The following RYR2 variants were observed in gnomAD, a reference collection of about 807,000 sequenced individuals.
RYR2 encodes the protein cardiac muscle ryanodine receptor-calcium release channel.
Under a neutral mutation model 601.1 loss-of-function variants are expected in RYR2, and 227 were observed. The ratio of observed to expected loss-of-function variants is 0.38; its 90% confidence interval spans 0.34 to 0.42. The LOEUF is 0.42. RYR2 is among the 10% of genes least tolerant of loss of function. The pLI is 1.00. For synonymous variants in RYR2, 2,223 were observed against 2,175.1 expected, an observed-to-expected ratio of 1.02 and a Z score of -0.61; for missense variants, 4,646 against 6,156.5, an observed-to-expected ratio of 0.75 and a Z score of 8.21.
At position 237,042,537 on chromosome 1, in the gene RYR2, G is replaced by A. The variant is rs1367258371; in HGVS notation, c.16G>A (p.Glu6Lys). The change falls in exon 1 of 105, where the codon GAG becomes AAG. Residue 6 changes from glutamate (E) to lysine (K), a missense_variant. Coordinates refer to ENST00000366574, the MANE Select transcript of RYR2 (RefSeq NM_001035.3). ...GCGCGGAACCATGGCCGATGGGGGC[G>A]AGGGCGAAGACGAGATCCAGTTCCT... MADGG[E>K]GEDEIQFLRT... is the part of the protein sequence containing the mutation. 8 of 1,259,018 alleles carry A rather than the reference G, an allele frequency of 6.4e-6. No homozygotes were observed. Among genetic ancestry groups the A allele is most frequent in the Non-Finnish European group, 8.0e-6 (8 of 994,176 alleles). The allele number at this position is 1,259,018 out of a possible 1,614,324, so 78.0% of individuals were successfully genotyped here. A position where few individuals can be genotyped will look rare whatever the true frequency, so the allele number is the denominator to read the frequency against.
At chr1:237,428,458 G>A (rs1054184275) in intron 12 of RYR2, among the ~76,000 whole-genome samples, 4 of 152,140 alleles carry the variant, frequency 2.6e-5, no homozygotes, top group African/African-American at 9.7e-5. Context: ...TGACATGGAT[G>A]AAGCTGGAAA....
At chr1:237,083,119 T>C (rs1221247403) in intron 1 of RYR2, among the ~76,000 whole-genome samples, 1 of 152,212 alleles carries the variant, frequency 6.6e-6, no homozygotes, top group African/African-American at 2.4e-5. Flanking sequence ...CAGAGAGCCA[T>C]CAGCAGTTAC....
chr1:237,210,111 A>ATAT (rs1246086533), intron 1 of RYR2, among the ~76,000 whole-genome samples: 1 of 133,382 alleles, frequency 7.5e-6, no homozygotes, highest in Non-Finnish European at 1.7e-5. Context: ...GTATCTGCAT[A>ATAT]TATTGTTCTT....
rs149670397 is a variant in RYR2, at chr1:237,816,457, G to T, written c.14434-2579G>T. On this transcript the variant is annotated intron_variant, in intron 100 of 104. Transcript: ENST00000366574. The stretch of plus-strand genomic sequence containing the variant: ...TCCCAGCAGTTTGGGAGGCCGAGGC[G>T]GGCGGATCACCTGAGGTCAGGAGTT... 9.2e-5 allele frequency among the ~76,000 whole-genome samples: 14 copies of T among 152,186 alleles called. No individual in the cohort carries two copies. In the South Asian group the frequency reaches 1.9e-3, roughly 20 times the overall value.
At chr1:237,346,160 G>A (rs560289802) in intron 3 of RYR2, among the ~76,000 whole-genome samples, 3 of 152,086 alleles carry the variant, frequency 2.0e-5, no homozygotes, top group East Asian at 1.9e-4. Context: ...GAGCCCAGGA[G>A]TTCGAGACCA....
rs915397362 is a variant in RYR2, at chr1:237,108,274, G to A, written c.48+65705G>A. ...TGAGGCTACACCTGTTGGAGGGATC[G>A]GAGGGGCCCAGTATATGATACTCCC... On this transcript the variant is annotated intron_variant, in intron 1 of 104. Transcript: ENST00000366574. Among the ~76,000 whole-genome samples, 6 of 152,162 alleles carry A rather than the reference G, an allele frequency of 3.9e-5. 1 individual carries two copies. The South Asian group carries it at 8.3e-4, about 21-fold the overall frequency.
rs201845205 is a variant in RYR2 at position 237,684,144 on chromosome 1, C to T, written c.9018-3311C>T. ...AGAGATAGGGTTTCACCATGTTGGCCAGGCTGGTCTTGAACTCCTGACCTC... is the reference window on the plus strand; with the variant it reads ...AGAGATAGGGTTTCACCATGTTGGCTAGGCTGGTCTTGAACTCCTGACCTC... On this transcript the variant is annotated intron_variant, in intron 62 of 104. Coordinates refer to ENST00000366574, the MANE Select transcript of RYR2 (RefSeq NM_001035.3). Among the ~76,000 whole-genome samples, 11 of 151,896 alleles carry T rather than the reference C, an allele frequency of 7.2e-5. No individual in the cohort carries two copies. The East Asian group carries it at 9.7e-4, about 13-fold the overall frequency.
chr1:237,438,814 C>G (rs761197332), intron 12 of RYR2, among the ~76,000 whole-genome samples: 5 of 152,184 alleles, frequency 3.3e-5, no homozygotes, highest in Non-Finnish European at 7.3e-5. Flanking sequence ...TGCTATTTGT[C>G]TTTTGAGAGA....
intron 80 of RYR2, among the ~76,000 whole-genome samples, chr1:237,744,016 G>T (rs1691846206): frequency 6.6e-6 from 1 of 152,008 alleles, no homozygotes; most frequent in Non-Finnish European, 1.5e-5. Flanking sequence ...CATGATAAAT[G>T]GTATTGCTGG....
intron 2 of RYR2, among the ~76,000 whole-genome samples, chr1:237,309,406 G>C (rs144443237): frequency 2.0e-5 from 3 of 151,268 alleles, no homozygotes; most frequent in Non-Finnish European, 4.4e-5. Flanking sequence ...AGACATAAAG[G>C]TTCTCCAAGT....
At chr1:237,488,047 A>G (rs1385433509) in intron 17 of RYR2, among the ~76,000 whole-genome samples, 3 of 152,140 alleles carry the variant, frequency 2.0e-5, no homozygotes, top group Admixed American at 2.0e-4. Context: ...ACTTTGTGAC[A>G]TACGCTATTT....
intron 2 of RYR2, among the ~76,000 whole-genome samples, chr1:237,282,711 C>T (rs1443676790): frequency 6.6e-6 from 1 of 152,034 alleles, no homozygotes; most frequent in Non-Finnish European, 1.5e-5. Flanking sequence ...ACAGATGGTA[C>T]TTAAGTTAAT....
intron 1 of RYR2, among the ~76,000 whole-genome samples, chr1:237,253,399 T>G (rs534054376): frequency 2.0e-5 from 3 of 152,328 alleles, no homozygotes; most frequent in South Asian, 2.1e-4. Flanking sequence ...ACAAGATTTC[T>G]GCAATGCAGA....
intron 68 of RYR2, among the ~76,000 whole-genome samples, chr1:237,708,123 G>C (rs1371299808): frequency 6.6e-6 from 1 of 151,730 alleles, no homozygotes; most frequent in Non-Finnish European, 1.5e-5. Flanking sequence ...TTATGCCCTG[G>C]AAATACTCAT....
intron 17 of RYR2, among the ~76,000 whole-genome samples, chr1:237,488,870 T>C (rs1200571186): frequency 6.6e-6 from 1 of 152,166 alleles, no homozygotes; most frequent in Admixed American, 6.6e-5. Flanking sequence ...ACAAAGCCTG[T>C]TGGTGGACTC....
At chr1:237,602,179 G>A (rs1211565563) in intron 35 of RYR2, 68 bp downstream of exon 35, 4 of 1,192,420 alleles carry the variant, frequency 3.4e-6, no homozygotes, top group Middle Eastern at 2.2e-4. Context: ...GATTTATTCT[G>A]AAATGAATTC....
chr1:237,608,794 CTGTTTTTT>C lies in RYR2; in HGVS notation c.4684-1966_4684-1959del, dbSNP rs1349177074. Among the ~76,000 whole-genome samples, 311 of 82,456 alleles carry C rather than the reference CTGTTTTTT, an allele frequency of 3.8e-3. 1 individual carries two copies. The highest frequency in any genetic ancestry group is 0.013 in the African/African-American group (295 of 22,220). The allele number at this position is 82,456 out of a possible 152,430, so 54.1% of individuals were successfully genotyped here. On this transcript the variant is annotated intron_variant, in intron 35 of 104. Coordinates refer to ENST00000366574, the MANE Select transcript of RYR2 (RefSeq NM_001035.3). ...AAGGAGGCAGCAAGTTCAGACTGAC[CTGTTTTTT>C]TTTTTTTTTTTTTTTTTTACAAAAT...
Position 237,757,708 on chromosome 1 carries a change from C to T in RYR2, c.11257C>T (p.Pro3753Ser). ...TTTATATTTCTTAGGTGAAACTGGA[C>T]CAATGGTAGCAGCTACTCTGAAACT... is the stretch of plus-strand genomic sequence containing the variant. Reference protein sequence around the residue: ...TISASKGETGPMVAATLKLGI... With the variant: ...TISASKGETGSMVAATLKLGI... Residue 3753 changes from proline to serine, a missense_variant, in exon 82 of 105, where the codon CCA becomes TCA. Pro to Ser is a moderately conservative substitution (Grantham distance 74). Coordinates refer to ENST00000366574, the MANE Select transcript of RYR2 (RefSeq NM_001035.3). The T allele has an allele frequency of 6.2e-7, 1 of 1,608,864 alleles. No individual in the cohort carries two copies. The highest frequency in any genetic ancestry group is 8.5e-7 in the Non-Finnish European group (1 of 1,175,450).
chr1:237,503,327 A>C lies in RYR2; in HGVS notation c.2435A>C (p.Lys812Thr), dbSNP rs779155482. Residue 812 changes from lysine to threonine, a missense_variant, in exon 22 of 105, where the codon AAA (lysine) becomes ACA (threonine). Around this residue, in one of 17 missense-constraint regions of RYR2, gnomAD observed 1,807 missense variants for 2,088.1 expected, o/e 0.87. Coordinates refer to ENST00000366574, the MANE Select transcript of RYR2 (RefSeq NM_001035.3). Reference protein sequence around the residue: ...FLLGGRHGEFKFLPPPGYAPC... With the variant: ...FLLGGRHGEFTFLPPPGYAPC... ...CTTGGAGGGCGACATGGAGAATTCAAATTTCTTCCTCCACCTGGGTATGCT... is the reference window on the plus strand; with the variant it reads ...CTTGGAGGGCGACATGGAGAATTCACATTTCTTCCTCCACCTGGGTATGCT... The C allele has an allele frequency of 6.2e-7, 1 of 1,613,474 alleles. No individual in the cohort carries two copies. Among genetic ancestry groups the C allele is most frequent in the South Asian group, 1.1e-5 (1 of 90,996 alleles).
Sources: allele counts gnomAD v4.1 joint callset (sites outside exome capture counted in the v4.1 genomes callset), GRCh38; gene constraint gnomAD v4.1.1; regional missense constraint gnomAD v4.1.1; transcripts MANE v1.5; gene names NCBI Gene and HGNC (gene_info 2026-07-23, HGNC 2026-07-21).